Variants in ZFYVE28 observed in about 807,000 individuals in gnomAD.
ZFYVE28 encodes the protein lateral signaling target protein 2 homolog.
Under a neutral mutation model 82.1 loss-of-function variants are expected in ZFYVE28, and 40 were observed. The observed-to-expected ratio is 0.49, with a 90% CI of 0.38 to 0.63. The LOEUF (loss-of-function observed/expected upper bound fraction) is 0.63, where lower values mean the gene tolerates loss of function less well. ZFYVE28 is among the 30% of genes least tolerant of loss of function. The probability of loss-of-function intolerance (pLI) is 0.00; values close to 1 mark genes in which losing one functional copy is unlikely to be tolerated. For synonymous variants in ZFYVE28, 612 were observed against 546.1 expected, an observed-to-expected ratio of 1.12 and a Z score of -1.68; for missense variants, 1,321 against 1,242.1, an observed-to-expected ratio of 1.06 and a Z score of -0.96.
intron 2 of ZFYVE28, among the ~76,000 whole-genome samples, chr4:2,342,380 C>T (rs1722957932): frequency 6.6e-6 from 1 of 152,194 alleles, no homozygotes; most frequent in East Asian, 1.9e-4. Flanking sequence ...AGCCTCAATA[C>T]ACAGCAACTT....
intron 1 of ZFYVE28, among the ~76,000 whole-genome samples, chr4:2,403,470 C>T (rs3128768): frequency 0.85 from 129,198 of 152,238 alleles, 54,989 homozygotes; most frequent in Admixed American, 0.9. Context: ...TAGCGCACTT[C>T]TGAAGACCTC....
rs762429644 is a variant in ZFYVE28 at position 2,304,452 on chromosome 4, T to C, written c.1888A>G (p.Thr630Ala). 2.9e-5 allele frequency: 47 copies of C among 1,613,486 alleles called. No homozygotes were observed. Among genetic ancestry groups the C allele is most frequent in the African/African-American group, 8.0e-5 (6 of 74,956 alleles). Residue 630 changes from threonine (T) to alanine (A), a missense_variant, in exon 8 of 13, where the codon ACT becomes GCT. Coordinates refer to ENST00000290974, the MANE Select transcript of ZFYVE28 (RefSeq NM_020972.3). The stretch of plus-strand genomic sequence containing the variant: ...GTGTGAGGCAGGCACTTGTCGGAAG[T>C]GGGGGCTTTGGGCTCCCGCCCGTTG... Reference protein sequence around the residue: ...ASNGREPKAPTSDKCLPHTSG... With the variant: ...ASNGREPKAPASDKCLPHTSG...
At chr4:2,345,512 A>G (rs1463858706) in intron 2 of ZFYVE28, among the ~76,000 whole-genome samples, 1 of 152,068 alleles carries the variant, frequency 6.6e-6, no homozygotes, top group African/African-American at 2.4e-5. Context: ...AACTGAAACT[A>G]TCCCAACAAT....
chr4:2,333,285 A>C (rs1025824494), intron 6 of ZFYVE28, among the ~76,000 whole-genome samples: 29 of 37,792 alleles, frequency 7.7e-4, no homozygotes, highest in Admixed American at 3.4e-3. Context: ...CTGCCCCCCC[A>C]CCTCCCTCCT....
chr4:2,271,149 C>T (rs116027564), intron 12 of ZFYVE28, 162 bp downstream of exon 12: 12,477 of 793,826 alleles, frequency 0.016, 135 homozygotes, highest in Non-Finnish European at 0.021. Context: ...TGGTCAAATG[C>T]CTGGAGTCAG....
intron 8 of ZFYVE28, among the ~76,000 whole-genome samples, chr4:2,282,206 GCTTC>G (rs1294776266): frequency 5.9e-5 from 9 of 152,234 alleles, no homozygotes; most frequent in Non-Finnish European, 1.3e-4. Flanking sequence ...CCTGAATGTT[GCTTC>G]CTGCCACTCT....
At chr4:2,352,370 C>T (rs1724609329) in intron 2 of ZFYVE28, among the ~76,000 whole-genome samples, 1 of 151,472 alleles carries the variant, frequency 6.6e-6, no homozygotes, top group Admixed American at 6.6e-5. Context: ...GCGTGGGACC[C>T]ACATGGAGGA....
At chr4:2,374,642 G>A (rs1727922501) in intron 1 of ZFYVE28, among the ~76,000 whole-genome samples, 1 of 151,954 alleles carries the variant, frequency 6.6e-6, no homozygotes, top group Non-Finnish European at 1.5e-5. Context: ...GAAGGAGAAG[G>A]AGAAGGAGGA....
chr4:2,353,825 A>C, intron 2 of ZFYVE28, 108 bp downstream of exon 2: 3 of 1,255,078 alleles, frequency 2.4e-6, no homozygotes, highest in South Asian at 5.2e-5. Flanking sequence ...GACCCTGACA[A>C]CGCCACCACA....
intron 7 of ZFYVE28, among the ~76,000 whole-genome samples, chr4:2,317,041 T>G (rs1718331033): frequency 7.0e-6 from 1 of 142,514 alleles, no homozygotes; most frequent in Non-Finnish European, 1.5e-5. Context: ...CAGGCTGGAG[T>G]ACAGTGGCAC....
At chr4:2,403,892 C>T (rs1165371003) in intron 1 of ZFYVE28, among the ~76,000 whole-genome samples, 2 of 150,284 alleles carry the variant, frequency 1.3e-5, no homozygotes, top group Non-Finnish European at 2.9e-5. Context: ...TAGCTTGAAA[C>T]CGAGAGGCAG....
At chr4:2,334,206 G>A (rs1721197744) in intron 6 of ZFYVE28, among the ~76,000 whole-genome samples, 1 of 152,162 alleles carries the variant, frequency 6.6e-6, no homozygotes, top group African/African-American at 2.4e-5. Context: ...GCCAGGCCCT[G>A]AGCTATTGGA....
At chr4:2,340,596 A>G (rs994977827) in intron 3 of ZFYVE28, among the ~76,000 whole-genome samples, 1 of 152,146 alleles carries the variant, frequency 6.6e-6, no homozygotes, top group African/African-American at 2.4e-5. Flanking sequence ...GGACCACACA[A>G]GGAGCTGTGC....
chr4:2,301,847 G>T (rs1715583762), intron 8 of ZFYVE28, among the ~76,000 whole-genome samples: 1 of 152,208 alleles, frequency 6.6e-6, no homozygotes, highest in Non-Finnish European at 1.5e-5. Context: ...GCCTCACACG[G>T]CCGTGAAGCT....
intron 6 of ZFYVE28, among the ~76,000 whole-genome samples, chr4:2,334,626 C>T (rs368003744): frequency 2.6e-5 from 4 of 151,692 alleles, no homozygotes; most frequent in African/African-American, 7.3e-5. Flanking sequence ...GTGCCCACCC[C>T]CCACTCCCCG....
chr4:2,350,616 TG>T (rs1274992554), intron 2 of ZFYVE28, among the ~76,000 whole-genome samples: 2 of 152,214 alleles, frequency 1.3e-5, no homozygotes, highest in Non-Finnish European at 2.9e-5. Flanking sequence ...AGCTTCAGGA[TG>T]GGGGGCTGGT....
intron 6 of ZFYVE28, among the ~76,000 whole-genome samples, chr4:2,322,858 C>T (rs1415494250): frequency 1.3e-5 from 2 of 152,202 alleles, no homozygotes; most frequent in Non-Finnish European, 2.9e-5. Flanking sequence ...ACCTTTGTGA[C>T]CGCTTTTCAC....
chr4:2,395,299 G>A (rs1026534702), intron 1 of ZFYVE28, among the ~76,000 whole-genome samples: 3 of 152,160 alleles, frequency 2.0e-5, no homozygotes, highest in Non-Finnish European at 4.4e-5. Context: ...ATTCAGACAT[G>A]CTACCTAACA....
intron 1 of ZFYVE28, among the ~76,000 whole-genome samples, chr4:2,364,264 C>G (rs2108896802): frequency 6.6e-6 from 1 of 152,290 alleles, no homozygotes; most frequent in Middle Eastern, 3.4e-3. Context: ...CGGTGCTGAG[C>G]CCCCAGTCCC....
Sources: allele counts gnomAD v4.1 joint callset (sites outside exome capture counted in the v4.1 genomes callset), GRCh38; gene constraint gnomAD v4.1.1; transcripts MANE v1.5; gene names NCBI Gene and HGNC (gene_info 2026-07-23, HGNC 2026-07-21).